Variants in SEMA6D observed in about 807,000 individuals in gnomAD.
The protein encoded by SEMA6D is semaphorin 6D.
Under a neutral mutation model 106.6 loss-of-function variants are expected in SEMA6D, and 35 were observed. The observed-to-expected ratio is 0.33, with a 90% confidence interval of 0.25 to 0.44. The LOEUF (loss-of-function observed/expected upper bound fraction) is 0.44, where lower values mean the gene tolerates loss of function less well. SEMA6D is among the 20% of genes least tolerant of loss of function. SEMA6D has a pLI of 1.00. For missense variants in SEMA6D, 1,185 were observed against 1,345.9 expected, an observed-to-expected ratio of 0.88 and a Z score of 1.87; for synonymous variants, 499 against 487.7, an observed-to-expected ratio of 1.02 and a Z score of -0.31.
chr15:47,373,621 T>C (rs1175242200), intron 1 of SEMA6D, among the ~76,000 whole-genome samples: 1 of 152,206 alleles, frequency 6.6e-6, no homozygotes, highest in African/African-American at 2.4e-5. Context: ...TTTACCTTTA[T>C]AGTACATTAT....
intron 1 of SEMA6D, among the ~76,000 whole-genome samples, chr15:47,752,352 A>G (rs908501101): frequency 9.9e-5 from 15 of 152,224 alleles, no homozygotes; most frequent in African/African-American, 3.6e-4. Flanking sequence ...CAAATGAAAT[A>G]GGACTGGAAA....
intron 1 of SEMA6D, among the ~76,000 whole-genome samples, chr15:47,224,930 T>A (rs1380223214): frequency 2.0e-5 from 3 of 151,928 alleles, no homozygotes; most frequent in Non-Finnish European, 4.4e-5. Context: ...GAGGGAACCC[T>A]GCTTGGTTTG....
At chr15:47,753,569 G>A (rs1483909716) in intron 1 of SEMA6D, among the ~76,000 whole-genome samples, 1 of 152,230 alleles carries the variant, frequency 6.6e-6, no homozygotes, top group Non-Finnish European at 1.5e-5. Context: ...TGATGAGAAA[G>A]TAGAGCAGTA....
At chr15:47,736,654 A>G (rs1457395611) in intron 1 of SEMA6D, among the ~76,000 whole-genome samples, 1 of 152,198 alleles carries the variant, frequency 6.6e-6, no homozygotes, top group Admixed American at 6.5e-5. Flanking sequence ...TACACACAGG[A>G]CTTTAAGCAG....
At chr15:47,498,306 T>A (rs1263734201) in intron 3 of SEMA6D, among the ~76,000 whole-genome samples, 1 of 152,158 alleles carries the variant, frequency 6.6e-6, no homozygotes, top group East Asian at 1.9e-4. Flanking sequence ...CTTCCTATTC[T>A]AAGGATTGAG....
Position 47,450,096 on chromosome 15 carries a change from A to C in SEMA6D, c.-158-20378A>C, listed in dbSNP as rs1448703495. 3.3e-5 allele frequency among the ~76,000 whole-genome samples: 5 copies of C among 152,258 alleles called. No individual in the cohort carries two copies. The East Asian group carries it at 9.7e-4, about 30-fold the overall frequency. On this transcript the variant is annotated intron_variant, in intron 2 of 19. Transcript: ENST00000558014. ...AAAAAATAGGATTGGAAGTGAAGTA[A>C]ACAGAATGAGTTCAGAGCCCATTGC... is the stretch of plus-strand genomic sequence containing the variant.
intron 1 of SEMA6D, among the ~76,000 whole-genome samples, chr15:47,756,272 T>C (rs2081730027): frequency 6.6e-6 from 1 of 152,156 alleles, no homozygotes. Flanking sequence ...CCCCTGTCAT[T>C]GTTTGGATGG....
intron 2 of SEMA6D, among the ~76,000 whole-genome samples, chr15:47,447,051 C>T (rs997474815): frequency 6.6e-6 from 1 of 152,090 alleles, no homozygotes; most frequent in Non-Finnish European, 1.5e-5. Context: ...CATCCCTGGG[C>T]ACACCCCTGC....
chr15:47,217,995 T>G (rs772642279), intron 1 of SEMA6D, among the ~76,000 whole-genome samples: 25 of 151,972 alleles, frequency 1.6e-4, no homozygotes, highest in Non-Finnish European at 3.1e-4. Flanking sequence ...TTAGTGGAAA[T>G]TTTGTTTTCT....
At chr15:47,184,135 A>T (rs540508477) in exon 1 of SEMA6D, 33 of 152,794 alleles carry the variant, frequency 2.2e-4, no homozygotes, top group African/African-American at 7.0e-4. Flanking sequence ...GAAGGAGTGG[A>T]GGGCTGCTGA....
chr15:47,641,710 C>T (rs1204557667), intron 4 of SEMA6D, among the ~76,000 whole-genome samples: 2 of 152,186 alleles, frequency 1.3e-5, no homozygotes, highest in Admixed American at 6.5e-5. Flanking sequence ...TTTGCCTTTA[C>T]ACCTCTTGCC....
chr15:47,749,453 G>A lies in SEMA6D; in HGVS notation c.-54-10292G>A, dbSNP rs142471725. On this transcript the variant is annotated intron_variant, in intron 1 of 18. Coordinates refer to ENST00000536845, the MANE Select transcript of SEMA6D (RefSeq NM_001358351.3). ...ATATAGGTTATCTCATTCAGTAATC[G>A]TAATAATATTAGTAATATTATTATC... 7.0e-3 allele frequency among the ~76,000 whole-genome samples: 1,065 copies of A among 152,082 alleles called. 11 individuals are homozygous for A. Among genetic ancestry groups the A allele is most frequent in the Non-Finnish European group, 1.0e-2 (679 of 67,984 alleles).
intron 1 of SEMA6D, among the ~76,000 whole-genome samples, chr15:47,321,923 G>A (rs992394864): frequency 2.6e-5 from 4 of 152,028 alleles, no homozygotes; most frequent in Non-Finnish European, 5.9e-5. Flanking sequence ...AAACAGTGGG[G>A]GGCACTATCA....
chr15:47,562,755 T>C (rs1457296462), intron 3 of SEMA6D, among the ~76,000 whole-genome samples: 2 of 152,158 alleles, frequency 1.3e-5, no homozygotes, highest in Admixed American at 6.5e-5. Flanking sequence ...ATAGCTACTT[T>C]AGAAACAATT....
intron 1 of SEMA6D, among the ~76,000 whole-genome samples, chr15:47,367,096 T>C (rs1048440946): frequency 6.6e-6 from 1 of 152,200 alleles, no homozygotes; most frequent in African/African-American, 2.4e-5. Flanking sequence ...TAATAGCATC[T>C]GCCTCATAGA....
At chr15:47,741,010 C>T (rs1301599990) in intron 1 of SEMA6D, among the ~76,000 whole-genome samples, 1 of 152,190 alleles carries the variant, frequency 6.6e-6, no homozygotes, top group African/African-American at 2.4e-5. Context: ...ACACAGTTAC[C>T]TGCTAGACTA....
intron 1 of SEMA6D, among the ~76,000 whole-genome samples, chr15:47,324,263 C>T (rs1018130795): frequency 6.6e-6 from 1 of 152,070 alleles, no homozygotes; most frequent in Non-Finnish European, 1.5e-5. Flanking sequence ...TACCTATTTA[C>T]CTATATATTT....
At chr15:47,516,375 A>C in intron 3 of SEMA6D, among the ~76,000 whole-genome samples, 1 of 152,216 alleles carries the variant, frequency 6.6e-6, no homozygotes, top group East Asian at 1.9e-4. Flanking sequence ...ATTTGCTCCC[A>C]AAAGATCATG....
chr15:47,516,578 TCCTCCCCATTGTTGC>T (rs551364633), intron 3 of SEMA6D, among the ~76,000 whole-genome samples: 1 of 152,264 alleles, frequency 6.6e-6, no homozygotes, highest in Admixed American at 6.5e-5. Context: ...GCTCCAGAGC[TCCTCCCCATTGTTGC>T]CCTATGGACA....
Sources: gnomAD v4.1 joint callset for allele counts (sites outside exome capture counted in the v4.1 genomes callset) on GRCh38, gnomAD v4.1.1 for gene constraint, MANE v1.5 for transcripts, NCBI Gene and HGNC (gene_info 2026-07-23, HGNC 2026-07-21) for gene names.